Variants in GFRA3 observed in about 807,000 individuals in gnomAD.
The protein encoded by GFRA3 is GDNF family receptor alpha 3.
In GFRA3, 24 loss-of-function variants were observed where a neutral mutation model predicts 40.0. The ratio of observed to expected loss-of-function variants is 0.60; its 90% CI spans 0.43 to 0.84. The LOEUF (loss-of-function observed/expected upper bound fraction) is 0.84, where lower values mean the gene tolerates loss of function less well. Ranked by LOEUF, GFRA3 falls within the 40% of genes least tolerant of loss-of-function variation. The pLI, the probability that GFRA3 is intolerant of heterozygous loss-of-function variation, is 0.00. For synonymous variants in GFRA3, 203 were observed against 213.5 expected, an observed-to-expected ratio of 0.95 and a Z score of 0.43; for missense variants, 405 against 530.6, an observed-to-expected ratio of 0.76 and a Z score of 2.33.
chr5:138,267,118 G>C (rs1010505148), intron 1 of GFRA3: 3 of 195,406 alleles, frequency 1.5e-5, no homozygotes, highest in Admixed American at 4.6e-5. Flanking sequence ...TGACGAAGGT[G>C]ACTATTTTTG....
chr5:138,271,908 T>G (rs1581515691), intron 1 of GFRA3, among the ~76,000 whole-genome samples: 1 of 123,892 alleles, frequency 8.1e-6, no homozygotes. Context: ...TTTTTTTTTT[T>G]TTTTTTGTGT....
intron 1 of GFRA3, among the ~76,000 whole-genome samples, chr5:138,271,907 T>TGTGTGTGTGTGTGTGTG (rs61112096): frequency 2.0e-5 from 2 of 98,582 alleles, no homozygotes; most frequent in Non-Finnish European, 2.2e-5. Flanking sequence ...TTTTTTTTTT[T>TGTGTGTGTGTGTGTGTG]TTTTTTTGTG....
chr5:138,270,906 G>T (rs559388589), intron 1 of GFRA3, among the ~76,000 whole-genome samples: 8 of 152,250 alleles, frequency 5.3e-5, no homozygotes, highest in Non-Finnish European at 1.2e-4. Context: ...ACAAGTTTAC[G>T]ATGTTACTTC....
intron 1 of GFRA3, among the ~76,000 whole-genome samples, chr5:138,268,889 C>T (rs1480564891): frequency 1.2e-4 from 17 of 143,502 alleles, no homozygotes; most frequent in African/African-American, 4.4e-4. Flanking sequence ...CATGCCACTG[C>T]ACTCCAGCCT....
At chr5:138,270,997 A>T (rs1444237418) in intron 1 of GFRA3, among the ~76,000 whole-genome samples, 4 of 147,566 alleles carry the variant, frequency 2.7e-5, no homozygotes, top group East Asian at 2.0e-4. Context: ...ACTAAAAATA[A>T]TTTTTTTTTT....
At chr5:138,268,409 C>G (rs1478459650) in intron 1 of GFRA3, among the ~76,000 whole-genome samples, 1 of 116,130 alleles carries the variant, frequency 8.6e-6, no homozygotes, top group Non-Finnish European at 1.8e-5. Context: ...AAAGCAAATG[C>G]AAAAAAAAAA....
chr5:138,265,302 C>T (rs1442314748), intron 1 of GFRA3, among the ~76,000 whole-genome samples: 5 of 150,658 alleles, frequency 3.3e-5, no homozygotes, highest in Middle Eastern at 3.4e-3. Flanking sequence ...ACGCAACCTC[C>T]GCCTCCCGGG....
intron 4 of GFRA3, among the ~76,000 whole-genome samples, 198 bp downstream of exon 4, chr5:138,257,441 T>C (rs1755647588): frequency 6.6e-6 from 1 of 152,196 alleles, no homozygotes. Flanking sequence ...TTCCTGAGGT[T>C]TTACAGCAAA....
chr5:138,253,319 G>A lies in GFRA3; in HGVS notation c.1081C>T (p.Pro361Ser), dbSNP rs1581505454. 6.2e-7 allele frequency: 1 copy of A among 1,603,038 alleles called. No homozygotes were observed. Among genetic ancestry groups the A allele is most frequent in the Non-Finnish European group, 8.5e-7 (1 of 1,174,232 alleles). ...GCCATCACAGCAAAGGTAGGGTGTG[G>A]CCAGTCCTGGGAGAAGAGTTGGCTG... is the stretch of plus-strand genomic sequence containing the variant. ...FHSQLFSQDW[P>S]HPTFAVMAHQ... The change falls in exon 7 of 8, where the codon CCA (proline) becomes TCA (serine). Residue 361 changes from proline to serine, a missense_variant. Coordinates refer to ENST00000274721, the MANE Select transcript of GFRA3 (RefSeq NM_001496.4).
chr5:138,270,347 G>A (rs924287694), intron 1 of GFRA3, among the ~76,000 whole-genome samples: 30 of 151,160 alleles, frequency 2.0e-4, no homozygotes, highest in Non-Finnish European at 3.2e-4. Context: ...ACTCCAGCCC[G>A]GGCGACAGAG....
chr5:138,257,026 G>T (rs374063210), intron 4 of GFRA3, among the ~76,000 whole-genome samples: 1 of 151,036 alleles, frequency 6.6e-6, no homozygotes, highest in African/African-American at 2.4e-5. Flanking sequence ...ACTCTTCACC[G>T]GTACTCTACA....
At chr5:138,261,362 G>A (rs1361295118) in intron 2 of GFRA3, among the ~76,000 whole-genome samples, 1 of 152,192 alleles carries the variant, frequency 6.6e-6, no homozygotes, top group Non-Finnish European at 1.5e-5. Flanking sequence ...CAAATGTGGA[G>A]GAAAAGATAA....
intron 1 of GFRA3, among the ~76,000 whole-genome samples, chr5:138,271,776 C>T (rs535346017): frequency 1.3e-5 from 2 of 148,996 alleles, no homozygotes; most frequent in South Asian, 4.2e-4. Flanking sequence ...TGGGTTTTCA[C>T]CATGTTGCCC....
chr5:138,257,886 T>TGC lies in GFRA3; in HGVS notation c.536_537dup (p.Lys180AlafsTer100). On this transcript the variant is annotated frameshift_variant, in exon 4 of 8. Transcript: ENST00000274721. LOFTEE classifies it high-confidence loss of function. ...CCGGAGCACGCCTCCCCGTAGGCCT[T>TGC]GCGCAGCCGGTCACACTTGTCATTG... is the stretch of plus-strand genomic sequence containing the variant. 1 of 1,614,042 alleles carries TGC rather than the reference T, an allele frequency of 6.2e-7. No homozygotes were observed.
chr5:138,253,604 C>A (rs1243563507), intron 6 of GFRA3, among the ~76,000 whole-genome samples, 162 bp downstream of exon 6: 2 of 152,112 alleles, frequency 1.3e-5, no homozygotes, highest in African/African-American at 4.8e-5. Context: ...GAGTGGGAGA[C>A]AGAAGAAAGG....
At chr5:138,261,242 C>T (rs1386537506) in intron 2 of GFRA3, among the ~76,000 whole-genome samples, 1 of 152,144 alleles carries the variant, frequency 6.6e-6, no homozygotes, top group Non-Finnish European at 1.5e-5. Flanking sequence ...TGAGTTTGTA[C>T]TGTTAGGGGA....
chr5:138,269,290 C>T (rs1755831880), intron 1 of GFRA3, among the ~76,000 whole-genome samples: 1 of 151,572 alleles, frequency 6.6e-6, no homozygotes, highest in African/African-American at 2.4e-5. Flanking sequence ...AATCCCAGCA[C>T]TTTGGGAGGC....
rs1755588599 is a variant in GFRA3, at chr5:138,253,940, C to T, written c.890-40G>A. The stretch of plus-strand genomic sequence containing the variant: ...AGGGTAGTCAAGGCCTAGGCTAACC[C>T]TAACTTTAGCTCCCACCTTCTTCCA... On this transcript the variant is annotated intron_variant, in intron 5 of 7. Transcript: ENST00000274721. 3 of 1,604,326 alleles carry T rather than the reference C, an allele frequency of 1.9e-6. No homozygotes were observed. In the South Asian group the frequency reaches 3.3e-5, roughly 18 times the overall value.
At chr5:138,266,594 A>G (rs940388893) in intron 1 of GFRA3, among the ~76,000 whole-genome samples, 6 of 152,246 alleles carry the variant, frequency 3.9e-5, no homozygotes, top group African/African-American at 1.2e-4. Flanking sequence ...AAAGGAATAG[A>G]ACATTATCAG....
Sources: allele counts gnomAD v4.1 joint callset (sites outside exome capture counted in the v4.1 genomes callset), GRCh38; gene constraint gnomAD v4.1.1; transcripts MANE v1.5; gene names NCBI Gene and HGNC (gene_info 2026-07-23, HGNC 2026-07-21).